Variants in OR8B2 observed in about 807,000 individuals in gnomAD.
OR8B2 encodes olfactory receptor 8B2.
For missense variants in OR8B2, 304 were observed against 379.6 expected (o/e 0.80, Z 1.65); for synonymous variants, 98 against 138.2 (o/e 0.71, Z 2.04).
chr11:124,383,055 A>G lies in OR8B2; in HGVS notation c.289T>C (p.Cys97Arg), dbSNP rs750368237. ...SKKNIISNVG[C>R]MTRLFFFLFF... The stretch of plus-strand genomic sequence containing the variant: ...AGAAAGAAAAACAGCCGAGTCATGC[A>G]CCCAACATTGGAGATAATATTCTTT... Residue 97 changes from cysteine (C) to arginine (R), a missense_variant, in exon 2 of 2, where the codon TGC (cysteine) becomes CGC (arginine). By Grantham distance (180) the Cys-to-Arg change is radical. Coordinates refer to ENST00000641451, the MANE Select transcript of OR8B2 (RefSeq NM_001005468.2). The G allele has an allele frequency of 1.2e-6, 2 of 1,613,832 alleles. No homozygotes were observed. The highest frequency in any genetic ancestry group is 4.5e-5 in the East Asian group (2 of 44,892).
In OR8B2 at chr11:124,382,430, A is replaced by G; in HGVS notation, c.914T>C (p.Ile305Thr). 6.2e-7 allele frequency: 1 copy of G among 1,608,932 alleles called. No individual in the cohort carries two copies. The highest frequency in any genetic ancestry group is 8.5e-7 in the Non-Finnish European group (1 of 1,178,636). The change falls in exon 2 of 2, where the codon ATT becomes ACT. Residue 305 changes from isoleucine to threonine, a missense_variant. Physicochemically the swap from Ile to Thr is moderately conservative, Grantham distance 89. Transcript: ENST00000641451. ...DVKVALRKAL[I>T]KIQRRNIF is the part of the protein sequence containing the mutation. ...GAATATATTTCTCCTCTGAATTTTA[A>G]TCAGAGCTTTCCTCAGTGCAACTTT...
At chr11:124,385,256 C>T (rs1428636215), upstream of OR8B2, among the ~76,000 whole-genome samples, 3 of 152,140 alleles carry the variant, frequency 2.0e-5, no homozygotes, top group East Asian at 1.9e-4. Flanking sequence ...CAGAATTTCC[C>T]GGTAGGTAGG....
chr11:124,391,879 C>T, the OR8B2 span, among the ~76,000 whole-genome samples: 1 of 149,290 alleles, frequency 6.7e-6, no homozygotes, highest in Non-Finnish European at 1.5e-5. Context: ...TACTGGCAAA[C>T]CAAATCCAGC....
the OR8B2 span, among the ~76,000 whole-genome samples, chr11:124,392,939 G>C: frequency 6.8e-6 from 1 of 148,030 alleles, no homozygotes; most frequent in Non-Finnish European, 1.5e-5. Context: ...GAACAGAACA[G>C]AGCCCTCAGA....
At chr11:124,385,887 C>T (rs486402), upstream of OR8B2, among the ~76,000 whole-genome samples, 46,895 of 151,794 alleles carry the variant, frequency 0.31, 7,202 homozygotes, top group South Asian at 0.39. Flanking sequence ...CCTGCCTCAG[C>T]CTCCCAAAAG....
chr11:124,383,111 G>A lies in OR8B2; in HGVS notation c.233C>T (p.Thr78Ile). 1.2e-6 allele frequency: 2 copies of A among 1,613,890 alleles called. No individual in the cohort carries two copies. The highest frequency in any genetic ancestry group is 1.7e-6 in the Non-Finnish European group (2 of 1,179,816). The change falls in exon 2 of 2, where the codon ACT becomes ATT. Residue 78 changes from threonine to isoleucine, a missense_variant. Thr to Ile is a moderately conservative substitution (Grantham distance 89). Coordinates refer to ENST00000641451, the MANE Select transcript of OR8B2 (RefSeq NM_001005468.2). Reference protein sequence around the residue: ...FIDLCYSSVFTPKMLMNFVSK... With the variant: ...FIDLCYSSVFIPKMLMNFVSK... ...CACAAAGTTCATTAGCATTTTGGGA[G>A]TGAAAACAGAGGAGTAACAGAGATC...
chr11:124,393,278 T>C, the OR8B2 span, among the ~76,000 whole-genome samples: 33,987 of 127,302 alleles, frequency 0.27, 5,385 homozygotes, highest in South Asian at 0.32. Flanking sequence ...TCTAATTAAA[T>C]GAAAGAGCTT....
the OR8B2 span, chr11:124,395,898 GC>G: frequency 6.5e-6 from 1 of 152,682 alleles, no homozygotes; most frequent in Admixed American, 6.5e-5. Context: ...ATAATAAAAG[GC>G]AAAATGGTGA....
chr11:124,393,524 A>C, the OR8B2 span, among the ~76,000 whole-genome samples: 50 of 126,678 alleles, frequency 3.9e-4, 1 homozygote, highest in African/African-American at 1.9e-3. Flanking sequence ...GTTCATCATC[A>C]CTGGCCATCA....
At chr11:124,383,997 G>C (rs1273123417) in intron 1 of OR8B2, among the ~76,000 whole-genome samples, 1 of 152,124 alleles carries the variant, frequency 6.6e-6, no homozygotes, top group Non-Finnish European at 1.5e-5. Flanking sequence ...GCTTTCACAG[G>C]TCTTTGTAGG....
chr11:124,388,259 C>T (rs370128312), upstream of OR8B2, among the ~76,000 whole-genome samples: 2 of 141,380 alleles, frequency 1.4e-5, no homozygotes, highest in African/African-American at 5.5e-5. Flanking sequence ...ATTTCCTTCT[C>T]CTGCCTGATT....
the OR8B2 span, chr11:124,396,448 T>C: frequency 6.2e-7 from 1 of 1,611,716 alleles, no homozygotes; most frequent in South Asian, 1.1e-5. Flanking sequence ...ATCAGAGCTT[T>C]CCTCAGTGCA....
At position 124,382,703 on chromosome 11, in the gene OR8B2, A is replaced by G. The variant is rs761000283; in HGVS notation, c.641T>C (p.Ile214Thr). 35 of 1,613,764 alleles carry G rather than the reference A, an allele frequency of 2.2e-5. No individual in the cohort carries two copies. Among genetic ancestry groups the G allele is most frequent in the Non-Finnish European group, 2.5e-5 (30 of 1,179,848 alleles). ...GACAATGAAAACATAAGAAATGAGG[A>G]TGGTACAACTGGGTACCGTGATATT... Reference protein sequence around the residue: ...GTNITVPSCTILISYVFIVTS... With the variant: ...GTNITVPSCTTLISYVFIVTS... The change falls in exon 2 of 2, where the codon ATC (isoleucine) becomes ACC (threonine). Residue 214 changes from isoleucine (I) to threonine (T), a missense_variant. Ile to Thr is a moderately conservative substitution (Grantham distance 89). Transcript: ENST00000641451.
At position 124,382,826 on chromosome 11, in the gene OR8B2, A is replaced by G. The variant is rs767443736; in HGVS notation, c.518T>C (p.Ile173Thr). The change falls in exon 2 of 2, where the codon ATC (isoleucine) becomes ACC (threonine). Residue 173 changes from isoleucine to threonine, a missense_variant. Transcript: ENST00000641451. ...TATGTCACACAAGTAATGGTTGATG[A>G]TATTAGCACTGCAGAAGGTGAGTCT... The part of the protein sequence containing the change: ...MLRLTFCSAN[I>T]INHYLCDILP... The G allele has an allele frequency of 1.2e-6, 2 of 1,603,748 alleles. No individual in the cohort carries two copies. Among genetic ancestry groups the G allele is most frequent in the Admixed American group, 1.7e-5 (1 of 59,648 alleles).
upstream of OR8B2, among the ~76,000 whole-genome samples, chr11:124,388,691 G>A (rs188276551): frequency 1.7e-4 from 26 of 152,198 alleles, no homozygotes; most frequent in Non-Finnish European, 2.1e-4. Context: ...TTTGCATTTA[G>A]GTTATAATTA....
In OR8B2 at chr11:124,382,844, G is replaced by T. The variant is rs1318347386; in HGVS notation, c.500C>A (p.Thr167Asn). 1 of 1,604,310 alleles carries T rather than the reference G, an allele frequency of 6.2e-7. No individual in the cohort carries two copies. Among genetic ancestry groups the T allele is most frequent in the Non-Finnish European group, 8.5e-7 (1 of 1,172,480 alleles). Residue 167 changes from threonine to asparagine, a missense_variant, in exon 2 of 2, where the codon ACC becomes AAC. Transcript: ENST00000641451. The part of the protein sequence containing the change: ...TAHTGCMLRL[T>N]FCSANIINHY... ...GTTGATGATATTAGCACTGCAGAAGGTGAGTCTAAGCATGCACCCGGTGTG... is the reference window on the plus strand; with the variant it reads ...GTTGATGATATTAGCACTGCAGAAGTTGAGTCTAAGCATGCACCCGGTGTG...
At chr11:124,393,528 G>A in the OR8B2 span, among the ~76,000 whole-genome samples, 1 of 128,972 alleles carries the variant, frequency 7.8e-6, no homozygotes, top group Non-Finnish European at 1.6e-5. Context: ...ATCATCACTG[G>A]CCATCAGAGA....
rs749987740 is a variant in OR8B2 at position 124,382,718 on chromosome 11, A to G, written c.626T>C (p.Val209Ala). The change falls in exon 2 of 2, where the codon GTA becomes GCA. Residue 209 changes from valine (V) to alanine (A), a missense_variant. Val to Ala is a moderately conservative substitution (Grantham distance 64). Transcript: ENST00000641451. ...AGAAATGAGGATGGTACAACTGGGT[A>G]CCGTGATATTAGTACCCACAACAAT... ...VLIVVGTNIT[V>A]PSCTILISYV... 2.9e-5 allele frequency: 47 copies of G among 1,613,822 alleles called. No individual in the cohort carries two copies. Among genetic ancestry groups the G allele is most frequent in the South Asian group, 1.8e-4 (16 of 91,070 alleles).
chr11:124,390,567 C>T, the OR8B2 span, among the ~76,000 whole-genome samples: 3 of 152,094 alleles, frequency 2.0e-5, no homozygotes, highest in South Asian at 2.1e-4. Flanking sequence ...AGCTTGCTTT[C>T]GGATATGTCA....
Sources: gnomAD v4.1 joint callset for allele counts (sites outside exome capture counted in the v4.1 genomes callset) on GRCh38, gnomAD v4.1.1 for gene constraint, MANE v1.5 for transcripts, NCBI Gene and HGNC (gene_info 2026-07-23, HGNC 2026-07-21) for gene names.